Variants in PTPRD observed in about 807,000 individuals in gnomAD.
The protein encoded by PTPRD is protein tyrosine phosphatase receptor type D.
A neutral mutation model predicts 214.5 loss-of-function variants in PTPRD; 34 were observed. That is an observed-to-expected ratio of 0.16 (90% CI 0.12 to 0.21). PTPRD has a LOEUF of 0.21. Among genes scored for constraint, PTPRD ranks in the 10% least tolerant of loss-of-function variants. PTPRD has a pLI of 1.00. For synonymous variants in PTPRD, 1,128 were observed against 845.7 expected, an observed-to-expected ratio of 1.33 and a Z score of -5.79; for missense variants, 2,545 against 2,398.7, an observed-to-expected ratio of 1.06 and a Z score of -1.27.
intron 8 of PTPRD, among the ~76,000 whole-genome samples, chr9:9,501,639 C>T (rs2096418499): frequency 6.6e-6 from 1 of 151,820 alleles, no homozygotes; most frequent in Non-Finnish European, 1.5e-5. Context: ...GAAATATTTA[C>T]TAAAATAGAC....
intron 9 of PTPRD, among the ~76,000 whole-genome samples, chr9:9,307,231 C>G (rs1957421802): frequency 6.6e-6 from 1 of 152,166 alleles, no homozygotes; most frequent in Non-Finnish European, 1.5e-5. Context: ...CTTCATTTAT[C>G]ACTTGTAAGA....
At chr9:8,475,261 T>TTGCC (rs2096739885) in intron 30 of PTPRD, among the ~76,000 whole-genome samples, 1 of 152,212 alleles carries the variant, frequency 6.6e-6, no homozygotes. Context: ...TCTGTCCTTC[T>TTGCC]TGCCCTCTTA....
chr9:8,633,589 G>C, intron 13 of PTPRD, 131 bp from the exon 14 acceptor site: 2 of 1,038,120 alleles, frequency 1.9e-6, no homozygotes, highest in Non-Finnish European at 2.8e-6. Context: ...ACTGAATTTT[G>C]ATATAGTGGT....
chr9:9,035,173 A>G lies in PTPRD; in HGVS notation c.-142-16438T>C, dbSNP rs528022111. Reference sequence around the variant, plus strand: ...TCCTCTGCTCAGTGAACACTTTTGCATGAATGAAAAAAGAAATCTTTGCCT... The same window carrying G: ...TCCTCTGCTCAGTGAACACTTTTGCGTGAATGAAAAAAGAAATCTTTGCCT... On this transcript the variant is annotated intron_variant, in intron 10 of 45. Coordinates refer to ENST00000381196, the MANE Select transcript of PTPRD (RefSeq NM_002839.4). 3.6e-4 allele frequency among the ~76,000 whole-genome samples: 55 copies of G among 152,236 alleles called. 1 individual carries two copies. Among genetic ancestry groups the G allele is most frequent in the Non-Finnish European group, 6.8e-4 (46 of 68,006 alleles).
chr9:8,813,109 C>T (rs1452519214), intron 11 of PTPRD, among the ~76,000 whole-genome samples: 1 of 152,066 alleles, frequency 6.6e-6, no homozygotes, highest in African/African-American at 2.4e-5. Flanking sequence ...AAAGTGTCAG[C>T]TTTAGAGGGA....
At chr9:9,931,581 C>A (rs1173718197) in intron 5 of PTPRD, among the ~76,000 whole-genome samples, 1 of 152,108 alleles carries the variant, frequency 6.6e-6, no homozygotes, top group Non-Finnish European at 1.5e-5. Context: ...GTCCTATGCC[C>A]ACGGAGTCTC....
chr9:10,317,730 AC>A (rs2096468848), intron 3 of PTPRD, among the ~76,000 whole-genome samples: 1 of 152,056 alleles, frequency 6.6e-6, no homozygotes, highest in African/African-American at 2.4e-5. Context: ...TAAAGCAAAC[AC>A]AAATAAAAAA....
In PTPRD at chr9:9,581,404, T is replaced by C. The variant is rs75800282; in HGVS notation, c.-286-6623A>G. On this transcript the variant is annotated intron_variant, in intron 7 of 45. Transcript: ENST00000381196. ...GCAAAACCAGATAACCTTCTATCCATTTAGAAAAATGCAAATAAATGCTTT... is the reference window on the plus strand; with the variant it reads ...GCAAAACCAGATAACCTTCTATCCACTTAGAAAAATGCAAATAAATGCTTT... Among the ~76,000 whole-genome samples the C allele has an allele frequency of 4.1e-4, 62 of 152,250 alleles. 4 individuals are homozygous for C. In the East Asian group the frequency reaches 0.012, roughly 29 times the overall value.
At chr9:8,406,629 C>A (rs939874708) in intron 35 of PTPRD, among the ~76,000 whole-genome samples, 2 of 152,112 alleles carry the variant, frequency 1.3e-5, no homozygotes, top group African/African-American at 4.8e-5. Context: ...GTTATTTAAG[C>A]AAATGAACAG....
chr9:9,987,403 C>A (rs1458830023), intron 4 of PTPRD, among the ~76,000 whole-genome samples: 1 of 152,108 alleles, frequency 6.6e-6, no homozygotes, highest in African/African-American at 2.4e-5. Context: ...GGAGGCGTTG[C>A]AATCATGGTA....
chr9:8,545,909 C>CA (rs542300107), intron 14 of PTPRD, among the ~76,000 whole-genome samples: 25 of 152,338 alleles, frequency 1.6e-4, no homozygotes, highest in African/African-American at 5.8e-4. Context: ...AAACTTTATA[C>CA]AAACTCTAGC....
At chr9:8,712,407 G>C (rs1043989837) in intron 12 of PTPRD, among the ~76,000 whole-genome samples, 6 of 149,878 alleles carry the variant, frequency 4.0e-5, no homozygotes, top group African/African-American at 1.5e-4. Flanking sequence ...GAAAGGTTTT[G>C]TAAAAACTTT....
In PTPRD at chr9:8,499,734, T is replaced by A. The variant is rs764932470; in HGVS notation, c.2235A>T (p.Arg745Ser). Residue 745 changes from arginine (R) to serine (S), a missense_variant, in exon 25 of 46, where the codon AGA becomes AGT. Arg to Ser is a moderately radical substitution (Grantham distance 110). Transcript: ENST00000381196. ...PVPNKQHGQI[R>S]GYQVHYVRME... is the part of the protein sequence containing the mutation. ...TCCTCACATAATGCACCTGATATCCTCTTATCTGGCCATGCTGTTTATTGG... is the reference window on the plus strand; with the variant it reads ...TCCTCACATAATGCACCTGATATCCACTTATCTGGCCATGCTGTTTATTGG... 6.2e-7 allele frequency: 1 copy of A among 1,614,132 alleles called. No homozygotes were observed. The highest frequency in any genetic ancestry group is 8.5e-7 in the Non-Finnish European group (1 of 1,180,004).
At position 9,484,196 on chromosome 9, in the gene PTPRD, G is replaced by C. The variant is rs750890070; in HGVS notation, c.-236-86714C>G. Among the ~76,000 whole-genome samples, 3 of 150,242 alleles carry C rather than the reference G, an allele frequency of 2.0e-5. No individual in the cohort carries two copies. The South Asian group carries it at 6.3e-4, about 31-fold the overall frequency. On this transcript the variant is annotated intron_variant, in intron 8 of 45. Transcript: ENST00000381196. ...TTTAAAAGTTCTATTGTATATAATA[G>C]AATACTATACAGCAAAAAAAAAATA...
chr9:8,866,488 AAC>A (rs2098198047), intron 11 of PTPRD, among the ~76,000 whole-genome samples: 1 of 152,146 alleles, frequency 6.6e-6, no homozygotes, highest in African/African-American at 2.4e-5. Flanking sequence ...ACCTTAATAA[AAC>A]ACAAGTTGAT....
At chr9:9,778,176 G>A (rs2098813643) in intron 5 of PTPRD, among the ~76,000 whole-genome samples, 1 of 152,206 alleles carries the variant, frequency 6.6e-6, no homozygotes, top group Admixed American at 6.5e-5. Flanking sequence ...TTGAAGGCAA[G>A]GCTGAAGAGG....
chr9:8,852,322 C>T (rs111289150), intron 11 of PTPRD, among the ~76,000 whole-genome samples: 3 of 152,126 alleles, frequency 2.0e-5, no homozygotes, highest in South Asian at 2.1e-4. Flanking sequence ...GGCAGAGTTA[C>T]GAGAGTTAAA....
At chr9:9,807,589 C>T (rs539397113) in intron 5 of PTPRD, among the ~76,000 whole-genome samples, 4 of 152,270 alleles carry the variant, frequency 2.6e-5, no homozygotes, top group Admixed American at 6.5e-5. Flanking sequence ...AGCATTTACC[C>T]TGAGATAACT....
intron 11 of PTPRD, among the ~76,000 whole-genome samples, chr9:8,906,455 C>T (rs888162585): frequency 4.6e-5 from 7 of 152,120 alleles, no homozygotes; most frequent in African/African-American, 1.4e-4. Context: ...ACCTGTAAAA[C>T]AGAAATTAAT....
Sources: allele counts gnomAD v4.1 joint callset (sites outside exome capture counted in the v4.1 genomes callset), GRCh38; gene constraint gnomAD v4.1.1; transcripts MANE v1.5; gene names NCBI Gene and HGNC (gene_info 2026-07-23, HGNC 2026-07-21).